ICA1: variants seen among roughly 807,000 people sequenced by gnomAD.
The protein encoded by ICA1 is 69 kDa islet cell autoantigen.
Under a neutral mutation model 71.0 loss-of-function variants are expected in ICA1, and 40 were observed. The observed-to-expected ratio is 0.56, with a 90% confidence interval of 0.44 to 0.73. ICA1 has a LOEUF of 0.73. ICA1 is among the 30% of genes least tolerant of loss of function. The pLI is 0.00. For missense variants in ICA1, 578 were observed against 576.5 expected (o/e 1.00, Z -0.03); for synonymous variants, 207 against 209.5 (o/e 0.99, Z 0.10).
chr7:8,162,580 G>A (rs1395781784), intron 6 of ICA1, among the ~76,000 whole-genome samples: 6 of 152,076 alleles, frequency 3.9e-5, no homozygotes, highest in Non-Finnish European at 7.4e-5. Context: ...AGTGACAAAC[G>A]TCTTGATTAT....
At chr7:8,195,892 T>C (rs1238118640) in intron 6 of ICA1, among the ~76,000 whole-genome samples, 1 of 151,962 alleles carries the variant, frequency 6.6e-6, no homozygotes, top group Non-Finnish European at 1.5e-5. Flanking sequence ...GCAGGAGAAT[T>C]GCTTGAACCC....
chr7:8,191,804 T>A (rs1457866236), intron 6 of ICA1, among the ~76,000 whole-genome samples: 3 of 152,050 alleles, frequency 2.0e-5, no homozygotes, highest in Admixed American at 1.3e-4. Context: ...TTTCATATAC[T>A]GGATGTTTAA....
chr7:8,150,652 C>T (rs1038191435), intron 8 of ICA1, among the ~76,000 whole-genome samples: 8 of 152,164 alleles, frequency 5.3e-5, no homozygotes, highest in South Asian at 2.1e-4. Flanking sequence ...CAATATGAGG[C>T]GTTTGGGAGA....
At position 8,222,300 on chromosome 7, in the gene ICA1, A is replaced by C. The variant is rs1408798485; in HGVS notation, c.257-902T>G. ...ACAGTGGGGGTCCTGAACACACACC[A>C]GCAGCCAAGCCACAGGCACCAGAGT... On this transcript the variant is annotated intron_variant, in intron 4 of 13. Transcript: ENST00000402384. The surrounding 1 kb of genome is among the most constrained non-coding windows in gnomAD (Gnocchi z 4.8). Among the ~76,000 whole-genome samples, 1 of 152,180 alleles carries C rather than the reference A, an allele frequency of 6.6e-6. No homozygotes were observed. Among genetic ancestry groups the C allele is most frequent in the African/African-American group, 2.4e-5 (1 of 41,440 alleles).
rs1352329208 is a variant in ICA1, at chr7:8,158,396, G to A, written c.705+131C>T. ...TAGGGCCCTAGAAGGCAGAGATGTG[G>A]GAAGTGAAATTACGGAAAGGCATTC... On this transcript the variant is annotated intron_variant, in intron 7 of 13. Coordinates refer to ENST00000402384, the MANE Select transcript of ICA1 (RefSeq NM_001136020.3). 5.5e-6 allele frequency: 6 copies of A among 1,090,178 alleles called. No homozygotes were observed. The African/African-American group carries it at 6.3e-5, about 11-fold the overall frequency. 67.5% of individuals were successfully genotyped at this position (1,090,178 alleles called of 1,614,324 possible).
chr7:8,224,548 C>G (rs576251655), intron 4 of ICA1, among the ~76,000 whole-genome samples: 27 of 152,208 alleles, frequency 1.8e-4, no homozygotes, highest in Non-Finnish European at 2.9e-5. Flanking sequence ...CCTAACATCC[C>G]CTAGTACTTA....
intron 6 of ICA1, among the ~76,000 whole-genome samples, chr7:8,205,917 T>G (rs1311493587): frequency 6.6e-6 from 1 of 152,116 alleles, no homozygotes; most frequent in Admixed American, 6.5e-5. Flanking sequence ...GCCTGTAGGG[T>G]GCTGCAATCC....
intron 6 of ICA1, among the ~76,000 whole-genome samples, chr7:8,174,771 A>AAAAAAAACAAAAAACC (rs71014769): frequency 0.19 from 18,115 of 95,776 alleles, 1,829 homozygotes; most frequent in Non-Finnish European, 0.27. Context: ...AAAAAAAAAA[A>AAAAAAAACAAAAAACC]AAAAAAAACA....
intron 13 of ICA1, among the ~76,000 whole-genome samples, chr7:8,117,939 C>G (rs1001244136): frequency 2.0e-5 from 3 of 152,208 alleles, no homozygotes; most frequent in African/African-American, 7.2e-5. Context: ...ACTTTCATCT[C>G]ATTTCCTAGA....
intron 6 of ICA1, among the ~76,000 whole-genome samples, chr7:8,177,105 T>A (rs1436311771): frequency 6.6e-6 from 1 of 152,242 alleles, no homozygotes; most frequent in East Asian, 1.9e-4. Context: ...ATTTGATTTT[T>A]GGCTTCTTAT....
chr7:8,155,582 C>A (rs1258176902), intron 8 of ICA1, among the ~76,000 whole-genome samples: 1 of 152,176 alleles, frequency 6.6e-6, no homozygotes, highest in African/African-American at 2.4e-5. Context: ...ATTTCATCTT[C>A]TAACTGGTTG....
intron 8 of ICA1, among the ~76,000 whole-genome samples, chr7:8,151,931 C>A (rs3729624): frequency 6.6e-6 from 1 of 152,092 alleles, no homozygotes; most frequent in Non-Finnish European, 1.5e-5. Flanking sequence ...TTCAGAGTTA[C>A]GTTTTCAAAT....
chr7:8,220,460 TC>T (rs1796700786), intron 5 of ICA1, among the ~76,000 whole-genome samples: 1 of 152,210 alleles, frequency 6.6e-6, no homozygotes, highest in Non-Finnish European at 1.5e-5. Context: ...AAGTGAAATT[TC>T]TATAGCTTGA....
chr7:8,120,471 T>C (rs947746440), intron 13 of ICA1, among the ~76,000 whole-genome samples: 1 of 152,180 alleles, frequency 6.6e-6, no homozygotes, highest in African/African-American at 2.4e-5. Flanking sequence ...AAAAATGCTA[T>C]GTAAAGAGAA....
intron 10 of ICA1, among the ~76,000 whole-genome samples, chr7:8,139,933 G>A (rs1179587929): frequency 6.6e-6 from 1 of 152,120 alleles, no homozygotes; most frequent in Non-Finnish European, 1.5e-5. Flanking sequence ...CAGAATAAAA[G>A]AAATATGATA....
intron 6 of ICA1, among the ~76,000 whole-genome samples, chr7:8,180,090 T>C (rs1264162079): frequency 6.6e-6 from 1 of 152,102 alleles, no homozygotes; most frequent in Non-Finnish European, 1.5e-5. Flanking sequence ...CTCCATACAC[T>C]TTTAAATATG....
At chr7:8,214,541 T>C (rs535733608) in intron 6 of ICA1, among the ~76,000 whole-genome samples, 27 of 152,208 alleles carry the variant, frequency 1.8e-4, no homozygotes, top group Non-Finnish European at 3.8e-4. Context: ...AGCCACACTC[T>C]CCAGGTATCC....
intron 5 of ICA1, among the ~76,000 whole-genome samples, chr7:8,220,070 T>G (rs1796579815): frequency 6.6e-6 from 1 of 152,224 alleles, no homozygotes; most frequent in African/African-American, 2.4e-5. Flanking sequence ...CACTTTTTGG[T>G]TTGTCTCTAT....
At chr7:8,164,447 G>A (rs929928577) in intron 6 of ICA1, among the ~76,000 whole-genome samples, 2 of 152,130 alleles carry the variant, frequency 1.3e-5, no homozygotes, top group African/African-American at 4.8e-5. Context: ...AGGCCCTGGT[G>A]AGGGGTTGAG....
Sources: allele counts gnomAD v4.1 joint callset (sites outside exome capture counted in the v4.1 genomes callset), GRCh38; gene constraint gnomAD v4.1.1; non-coding constraint Gnocchi (gnomAD v3.1); transcripts MANE v1.5; gene names NCBI Gene and HGNC (gene_info 2026-07-23, HGNC 2026-07-21).